Variants in CMYA5 observed in about 807,000 individuals in gnomAD.
CMYA5 encodes cardiomyopathy-associated protein 5.
CMYA5 carries 246 observed loss-of-function variants against 318.9 expected under a neutral mutation model. The observed-to-expected ratio is 0.77, with a 90% CI of 0.70 to 0.86. The LOEUF is 0.86. Among genes scored for constraint, CMYA5 ranks in the 40% least tolerant of loss-of-function variants. CMYA5 has a pLI of 0.00. For missense variants in CMYA5, 4,589 were observed against 4,678.2 expected, an observed-to-expected ratio of 0.98 and a Z score of 0.56; for synonymous variants, 1,641 against 1,729.5, an observed-to-expected ratio of 0.95 and a Z score of 1.27.
chr5:79,690,863 G>T (rs985972231), intron 1 of CMYA5, among the ~76,000 whole-genome samples: 2 of 152,122 alleles, frequency 1.3e-5, no homozygotes, highest in African/African-American at 4.8e-5. Flanking sequence ...GTGGCAGGTG[G>T]GTGTGTACCA....
chr5:79,708,502 G>A (rs1580750098), intron 1 of CMYA5, among the ~76,000 whole-genome samples: 4 of 152,190 alleles, frequency 2.6e-5, no homozygotes, highest in African/African-American at 9.6e-5. Flanking sequence ...GCGGGTGCCT[G>A]TAGTCCCAGC....
chr5:79,693,699 A>G (rs760612518), intron 1 of CMYA5, among the ~76,000 whole-genome samples: 4 of 152,194 alleles, frequency 2.6e-5, no homozygotes, highest in Non-Finnish European at 4.4e-5. Flanking sequence ...CTGGACTCCA[A>G]TTTAATGTTC....
chr5:79,731,997 T>G lies in CMYA5; in HGVS notation c.3232T>G (p.Leu1078Val), dbSNP rs1321654279. 1.9e-6 allele frequency: 3 copies of G among 1,613,920 alleles called. No homozygotes were observed. The highest frequency in any genetic ancestry group is 1.7e-6 in the Non-Finnish European group (2 of 1,179,856). The change falls in exon 2 of 13, where the codon TTA (leucine) becomes GTA (valine). Residue 1078 changes from leucine to valine, a missense_variant. This residue lies in a region of CMYA5 where 2,132 missense variants were observed against 2,131.3 expected (regional missense o/e 1.00). Transcript: ENST00000446378. Reference sequence around the variant, plus strand: ...CCCTTTGATGTCTCCGCTTGAAGACTTAAGTCTGCCGCCTTCAACAGATAA... The same window carrying G: ...CCCTTTGATGTCTCCGCTTGAAGACGTAAGTCTGCCGCCTTCAACAGATAA... ...TFPLMSPLED[L>V]SLPPSTDKSE... is the part of the protein sequence containing the mutation.
intron 9 of CMYA5, among the ~76,000 whole-genome samples, chr5:79,778,811 C>CTGTGTGTGTGTGTGTG: frequency 2.4e-5 from 2 of 85,018 alleles, no homozygotes; most frequent in South Asian, 4.7e-4. Flanking sequence ...CTCTCTCTTT[C>CTGTGTGTGTGTGTGTG]TGTGTGTGTG....
At position 79,730,998 on chromosome 5, in the gene CMYA5, G is replaced by C. The variant is rs765920978; in HGVS notation, c.2233G>C (p.Ala745Pro). ...EKEDTGSFTPAVAPASEPSLS... is the reference protein window; with the variant it reads ...EKEDTGSFTPPVAPASEPSLS... The stretch of plus-strand genomic sequence containing the variant: ...GGAAGACACTGGATCGTTTACTCCA[G>C]CTGTGGCCCCTGCTTCTGAGCCCTC... Residue 745 changes from alanine (A) to proline (P), a missense_variant, in exon 2 of 13, where the codon GCT becomes CCT. Physicochemically the swap from Ala to Pro is conservative, Grantham distance 27 (BLOSUM62 -1). Transcript: ENST00000446378. 1 of 1,613,860 alleles carries C rather than the reference G, an allele frequency of 6.2e-7. No individual in the cohort carries two copies. Among genetic ancestry groups the C allele is most frequent in the African/African-American group, 1.3e-5 (1 of 74,914 alleles).
chr5:79,740,339 G>T (rs1003096669), intron 2 of CMYA5, among the ~76,000 whole-genome samples: 1 of 152,090 alleles, frequency 6.6e-6, no homozygotes, highest in Non-Finnish European at 1.5e-5. Flanking sequence ...GTATTTTATG[G>T]CAATAGTCCT....
Position 79,761,912 on chromosome 5 carries a change from T to G in CMYA5, c.11362T>G (p.Phe3788Val). 1 of 1,613,762 alleles carries G rather than the reference T, an allele frequency of 6.2e-7. No individual in the cohort carries two copies. Among genetic ancestry groups the G allele is most frequent in the Non-Finnish European group, 8.5e-7 (1 of 1,179,800 alleles). The change falls in exon 8 of 13, where the codon TTC becomes GTC. Residue 3788 changes from phenylalanine to valine, a missense_variant. Coordinates refer to ENST00000446378, the MANE Select transcript of CMYA5 (RefSeq NM_153610.5). Reference sequence around the variant, plus strand: ...TCAAGTGTGGGTGATGGCTGTGAACTTCACTGGATGTAGCCTGCCCAGTGA... The same window carrying G: ...TCAAGTGTGGGTGATGGCTGTGAACGTCACTGGATGTAGCCTGCCCAGTGA... ...CYQVWVMAVN[F>V]TGCSLPSERA...
At position 79,736,046 on chromosome 5, in the gene CMYA5, C is replaced by CA; in HGVS notation, c.7282dup (p.Arg2428LysfsTer16). 6.2e-7 allele frequency: 1 copy of CA among 1,612,416 alleles called. No homozygotes were observed. Among genetic ancestry groups the CA allele is most frequent in the Non-Finnish European group, 8.5e-7 (1 of 1,179,512 alleles). The stretch of plus-strand genomic sequence containing the variant: ...GCAGTTTAATTGATTTCAGTGAAGA[C>CA]AGACTCAAGAAAGAAATGCAAAATC... On this transcript the variant is annotated frameshift_variant, in exon 2 of 13. Transcript: ENST00000446378. LOFTEE classifies it high-confidence loss of function.
In CMYA5 at chr5:79,735,150, C is replaced by T. The variant is rs1212648633; in HGVS notation, c.6385C>T (p.Pro2129Ser). 8 of 1,613,430 alleles carry T rather than the reference C, an allele frequency of 5.0e-6. No homozygotes were observed. The highest frequency in any genetic ancestry group is 2.2e-5 in the South Asian group (2 of 91,044). The part of the protein sequence containing the change: ...GKKPSPEVKI[P>S]TQRKPISSIH... ...GAAACCATCACCTGAAGTAAAAATA[C>T]CCACACAAAGAAAACCCATCTCCTC... The change falls in exon 2 of 13, where the codon CCC becomes TCC. Residue 2129 changes from proline to serine, a missense_variant. Physicochemically the swap from Pro to Ser is moderately conservative, Grantham distance 74. Around this residue, in one of 3 missense-constraint regions of CMYA5, gnomAD observed 2,431 missense variants for 2,495.1 expected, o/e 0.97. Coordinates refer to ENST00000446378, the MANE Select transcript of CMYA5 (RefSeq NM_153610.5).
chr5:79,724,191 G>T (rs952258826), intron 1 of CMYA5, among the ~76,000 whole-genome samples: 2 of 151,868 alleles, frequency 1.3e-5, no homozygotes, highest in East Asian at 3.9e-4. Context: ...AGGCGTGGTG[G>T]TGCCCGCCTG....
At position 79,729,689 on chromosome 5, in the gene CMYA5, C is replaced by G; in HGVS notation, c.924C>G (p.Ser308=). The G allele has an allele frequency of 1.2e-6, 2 of 1,613,870 alleles. No homozygotes were observed. Among genetic ancestry groups the G allele is most frequent in the Non-Finnish European group, 1.7e-6 (2 of 1,179,856 alleles). The change falls in exon 2 of 13, where the codon TCC becomes TCG. Residue 308 remains serine (S), a synonymous_variant. Transcript: ENST00000446378. ...EVFPPWRGAL[S]KGSESLTLMF... is the part of the protein sequence containing the mutation. Reference sequence around the variant, plus strand: ...TTCCACCCTGGAGAGGCGCACTCTCCAAAGGATCAGAGTCCCTAACCTTAA... The same window carrying G: ...TTCCACCCTGGAGAGGCGCACTCTCGAAAGGATCAGAGTCCCTAACCTTAA...
intron 9 of CMYA5, among the ~76,000 whole-genome samples, chr5:79,770,192 G>C (rs1429169927): frequency 6.6e-6 from 1 of 152,182 alleles, no homozygotes; most frequent in African/African-American, 2.4e-5. Context: ...TCAGACTGCT[G>C]TGCTGCCAGC....
intron 7 of CMYA5, among the ~76,000 whole-genome samples, chr5:79,760,172 G>A (rs57075147): frequency 0.011 from 1,592 of 149,228 alleles, 35 homozygotes; most frequent in African/African-American, 0.037. Flanking sequence ...TTATCAAATA[G>A]TTGTTGCTTG....
In CMYA5 at chr5:79,769,649, T is replaced by C. The variant is rs555649254; in HGVS notation, c.11555+6440T>C. Among the ~76,000 whole-genome samples, 5 of 152,270 alleles carry C rather than the reference T, an allele frequency of 3.3e-5. No individual in the cohort carries two copies. The East Asian group carries it at 9.7e-4, about 29-fold the overall frequency. ...GCAGAGGCTGCAGAACAGCAAAGAT[T>C]GCTGCCTGTTCCTTCCTCCGGAAGC... On this transcript the variant is annotated intron_variant, in intron 9 of 12. Transcript: ENST00000446378.
chr5:79,764,603 C>A (rs1828715504), intron 9 of CMYA5, among the ~76,000 whole-genome samples: 1 of 152,118 alleles, frequency 6.6e-6, no homozygotes, highest in South Asian at 2.1e-4. Context: ...ATTTACACTC[C>A]CACCAACAGT....
chr5:79,745,102 T>C, intron 3 of CMYA5, 120 bp from the exon 4 acceptor site: 1 of 651,782 alleles, frequency 1.5e-6, no homozygotes, highest in Non-Finnish European at 2.7e-6. Context: ...ATGTGATGTC[T>C]GATTCTCTGA....
At chr5:79,765,426 G>C (rs1330211120) in intron 9 of CMYA5, among the ~76,000 whole-genome samples, 1 of 152,184 alleles carries the variant, frequency 6.6e-6, no homozygotes, top group African/African-American at 2.4e-5. Context: ...GTAGCATGAT[G>C]CCTCCAGCTT....
At chr5:79,746,603 T>C (rs1007530010) in intron 4 of CMYA5, among the ~76,000 whole-genome samples, 2 of 150,016 alleles carry the variant, frequency 1.3e-5, no homozygotes, top group Non-Finnish European at 3.0e-5. Flanking sequence ...ATATTACTCA[T>C]TTTTTAAAAT....
Position 79,718,130 on chromosome 5 carries a change from G to A in CMYA5, c.150-10785G>A, listed in dbSNP as rs917241841. Among the ~76,000 whole-genome samples the A allele has an allele frequency of 6.3e-5, 3 of 47,984 alleles. 1 individual carries two copies. Among genetic ancestry groups the A allele is most frequent in the South Asian group, 5.2e-4 (1 of 1,934 alleles). 31.5% of individuals were successfully genotyped at this position (47,984 alleles called of 152,430 possible). On this transcript the variant is annotated intron_variant, in intron 1 of 12. Coordinates refer to ENST00000446378, the MANE Select transcript of CMYA5 (RefSeq NM_153610.5). ...TCTCGATCTCCTGACCTCGTGATCCGCCCGCCTCGGCCTCCCAAAGTGCTG... is the reference window on the plus strand; with the variant it reads ...TCTCGATCTCCTGACCTCGTGATCCACCCGCCTCGGCCTCCCAAAGTGCTG...
Sources: allele counts gnomAD v4.1 joint callset (sites outside exome capture counted in the v4.1 genomes callset), GRCh38; gene constraint gnomAD v4.1.1; regional missense constraint gnomAD v4.1.1; transcripts MANE v1.5; gene names NCBI Gene and HGNC (gene_info 2026-07-23, HGNC 2026-07-21).